Variants in CMYA5 observed in about 807,000 individuals in gnomAD.
CMYA5 encodes the protein cardiomyopathy associated 5, also known as cardiomyopathy-associated protein 5.
A neutral mutation model predicts 318.9 loss-of-function variants in CMYA5; 246 were observed. The observed-to-expected ratio is 0.77, with a 90% CI of 0.70 to 0.86. The LOEUF is 0.86. CMYA5 is among the 40% of genes least tolerant of loss of function. The pLI is 0.00. For synonymous variants in CMYA5, 1,641 were observed against 1,729.5 expected, an observed-to-expected ratio of 0.95 and a Z score of 1.27; for missense variants, 4,589 against 4,678.2, an observed-to-expected ratio of 0.98 and a Z score of 0.56.
intron 1 of CMYA5, among the ~76,000 whole-genome samples, chr5:79,704,019 A>C (rs1282658534): frequency 6.6e-6 from 1 of 152,072 alleles, no homozygotes; most frequent in African/African-American, 2.4e-5. Flanking sequence ...TTGAACCCAG[A>C]GGTCAAGGCT....
At chr5:79,763,818 G>A (rs1430881315) in intron 9 of CMYA5, among the ~76,000 whole-genome samples, 2 of 152,156 alleles carry the variant, frequency 1.3e-5, no homozygotes, top group Non-Finnish European at 2.9e-5. Context: ...CCGAGGTGGT[G>A]TTTTCTTAGC....
rs144400392 is a variant in CMYA5 at position 79,711,429 on chromosome 5, G to A, written c.150-17486G>A. ...CAGAGAGAAAAAGAATGTAAACTAC[G>A]TAGACAATTGCTTGGAAAGTTGAAG... On this transcript the variant is annotated intron_variant, in intron 1 of 12. Coordinates refer to ENST00000446378, the MANE Select transcript of CMYA5 (RefSeq NM_153610.5). Among the ~76,000 whole-genome samples, 32 of 152,314 alleles carry A rather than the reference G, an allele frequency of 2.1e-4. No individual in the cohort carries two copies. The East Asian group carries it at 4.6e-3, about 22-fold the overall frequency.
chr5:79,790,547 G>A (rs1004259644), intron 10 of CMYA5, among the ~76,000 whole-genome samples: 34 of 152,186 alleles, frequency 2.2e-4, no homozygotes, highest in African/African-American at 7.2e-4. Flanking sequence ...GGGATTACAG[G>A]CGTGAGCCAC....
intron 1 of CMYA5, among the ~76,000 whole-genome samples, chr5:79,710,770 C>CA (rs943925399): frequency 6.6e-6 from 1 of 152,090 alleles, no homozygotes; most frequent in Non-Finnish European, 1.5e-5. Context: ...AGGAATGGGG[C>CA]AAAATGTATT....
chr5:79,696,474 C>A (rs79742348), intron 1 of CMYA5, among the ~76,000 whole-genome samples: 1 of 152,158 alleles, frequency 6.6e-6, no homozygotes, highest in Non-Finnish European at 1.5e-5. Context: ...ATACTCAGAG[C>A]CCTCTCAGGG....
At position 79,736,513 on chromosome 5, in the gene CMYA5, CTCAA is replaced by C; in HGVS notation, c.7752_7755del (p.Gln2584HisfsTer4). The C allele has an allele frequency of 6.2e-7, 1 of 1,613,104 alleles. No homozygotes were observed. Among genetic ancestry groups the C allele is most frequent in the South Asian group, 1.1e-5 (1 of 90,972 alleles). On this transcript the variant is annotated frameshift_variant, in exon 2 of 13. Coordinates refer to ENST00000446378, the MANE Select transcript of CMYA5 (RefSeq NM_153610.5). LOFTEE classifies it high-confidence loss of function. ...TCTTTAGGTCATTCTTTGGGTGAAA[CTCAA>C]TCATTTTCATTAGTTAAAGCTACAT...
intron 1 of CMYA5, among the ~76,000 whole-genome samples, chr5:79,715,148 C>T (rs968448246): frequency 6.6e-6 from 1 of 152,046 alleles, no homozygotes; most frequent in Non-Finnish European, 1.5e-5. Flanking sequence ...TTGCCTAGAA[C>T]AGTGTGGTCC....
At position 79,713,309 on chromosome 5, in the gene CMYA5, C is replaced by A. The variant is rs1469054115; in HGVS notation, c.150-15606C>A. Among the ~76,000 whole-genome samples the A allele has an allele frequency of 3.7e-5, 5 of 133,894 alleles. No individual in the cohort carries two copies. In the East Asian group the frequency reaches 1.3e-3, roughly 36 times the overall value. The allele number at this position is 133,894 out of a possible 152,430, so 87.8% of individuals were successfully genotyped here. ...CCCGCTGCACCCCGCCCCCACCCCC[C>A]ACCCGCCGTCACAAAGAATTATCTT... On this transcript the variant is annotated intron_variant, in intron 1 of 12. Coordinates refer to ENST00000446378, the MANE Select transcript of CMYA5 (RefSeq NM_153610.5).
In CMYA5 at chr5:79,736,690, G is replaced by A; in HGVS notation, c.7925G>A (p.Cys2642Tyr). The change falls in exon 2 of 13, where the codon TGT (cysteine) becomes TAT (tyrosine). Residue 2642 changes from cysteine (C) to tyrosine (Y), a missense_variant. Cys to Tyr is a radical substitution (Grantham distance 194). Transcript: ENST00000446378. ...ACTTTCCTGCCGGTGGCTCTTTCTT[G>A]TCGTGATGAAATAGAGAACCACTCT... ...TKTFLPVALS[C>Y]RDEIENHSLS... The A allele has an allele frequency of 1.2e-6, 2 of 1,613,432 alleles. No homozygotes were observed. Among genetic ancestry groups the A allele is most frequent in the Non-Finnish European group, 1.7e-6 (2 of 1,179,750 alleles).
chr5:79,694,526 T>G (rs1033603509), intron 1 of CMYA5, among the ~76,000 whole-genome samples: 2 of 152,198 alleles, frequency 1.3e-5, no homozygotes, highest in African/African-American at 4.8e-5. Flanking sequence ...TTTCTCTATT[T>G]AAGCACAGAG....
At chr5:79,756,279 C>G (rs760728660) in intron 6 of CMYA5, among the ~76,000 whole-genome samples, 1 of 152,170 alleles carries the variant, frequency 6.6e-6, no homozygotes, top group Non-Finnish European at 1.5e-5. Flanking sequence ...GCAGTTCGCT[C>G]CTCAGGTCTT....
chr5:79,798,986 C>T (rs548172279), intron 12 of CMYA5, among the ~76,000 whole-genome samples: 6 of 152,254 alleles, frequency 3.9e-5, no homozygotes, highest in Non-Finnish European at 5.9e-5. Flanking sequence ...GGCAAGCTTA[C>T]GGTACTTTTA....
Position 79,799,607 on chromosome 5 carries a change from G to T in CMYA5, c.12201G>T (p.Arg4067Ser). The T allele has an allele frequency of 6.2e-7, 1 of 1,610,134 alleles. No individual in the cohort carries two copies. Among genetic ancestry groups the T allele is most frequent in the Non-Finnish European group, 8.5e-7 (1 of 1,177,330 alleles). Reference sequence around the variant, plus strand: ...GGATAGAGCCCCCGGATTCTGTAAGGCACAAGTGATCCTTGGCTTTCAGAA... The same window carrying T: ...GGATAGAGCCCCCGGATTCTGTAAGTCACAAGTGATCCTTGGCTTTCAGAA... The part of the protein sequence containing the change: ...HLGIEPPDSV[R>S]HK The change falls in exon 13 of 13, where the codon AGG becomes AGT. Residue 4067 changes from arginine to serine, a missense_variant. Arg to Ser is a moderately radical substitution (Grantham distance 110). Transcript: ENST00000446378.
intron 1 of CMYA5, among the ~76,000 whole-genome samples, chr5:79,703,396 A>C (rs1289084728): frequency 2.0e-5 from 3 of 152,224 alleles, no homozygotes; most frequent in Non-Finnish European, 4.4e-5. Flanking sequence ...TTACAATAAG[A>C]ACAAAAAAGT....
At position 79,791,131 on chromosome 5, in the gene CMYA5, C is replaced by T. The variant is rs1052989997; in HGVS notation, c.11789+62C>T. On this transcript the variant is annotated intron_variant, in intron 11 of 12. Transcript: ENST00000446378. ...CCAGCAGTAGGGTCTTAGGGTGTGT[C>T]GCCTCAGGGTGGCCTCCGCTGAGCA... 2.3e-5 allele frequency: 27 copies of T among 1,188,682 alleles called. 1 individual carries two copies. The highest frequency in any genetic ancestry group is 4.9e-4 in the Middle Eastern group (2 of 4,094). 73.6% of individuals were successfully genotyped at this position (1,188,682 alleles called of 1,614,324 possible). A position where few individuals can be genotyped will look rare whatever the true frequency, so the allele number is the denominator to read the frequency against.
chr5:79,791,181 G>T (rs760985558), intron 11 of CMYA5, 112 bp downstream of exon 11: 4 of 683,812 alleles, frequency 5.8e-6, no homozygotes, highest in Non-Finnish European at 1.0e-5. Flanking sequence ...TGAACATGTC[G>T]GGATGTGGTC....
Position 79,718,025 on chromosome 5 carries a change from A to G in CMYA5, c.150-10890A>G, listed in dbSNP as rs1827553041. Reference sequence around the variant, plus strand: ...TGCCTCAGCCTCCCAAGTAGCTAGGACTACAGGCACCCGCCACTACGCCCG... The same window carrying G: ...TGCCTCAGCCTCCCAAGTAGCTAGGGCTACAGGCACCCGCCACTACGCCCG... On this transcript the variant is annotated intron_variant, in intron 1 of 12. Transcript: ENST00000446378. 2.0e-5 allele frequency among the ~76,000 whole-genome samples: 2 copies of G among 102,090 alleles called. 1 individual carries two copies. Among genetic ancestry groups the G allele is most frequent in the African/African-American group, 1.0e-4 (2 of 19,650 alleles). 67.0% of individuals were successfully genotyped at this position (102,090 alleles called of 152,430 possible).
intron 12 of CMYA5, among the ~76,000 whole-genome samples, chr5:79,794,408 A>G (rs1829238407): frequency 6.6e-6 from 1 of 152,224 alleles, no homozygotes; most frequent in Admixed American, 6.5e-5. Context: ...CAGAGCGATC[A>G]GGCAGGTATA....
chr5:79,730,846 C>T lies in CMYA5; in HGVS notation c.2081C>T (p.Ser694Phe), dbSNP rs769754741. The change falls in exon 2 of 13, where the codon TCC (serine) becomes TTC (phenylalanine). Residue 694 changes from serine (S) to phenylalanine (F), a missense_variant. Physicochemically the swap from Ser to Phe is radical, Grantham distance 155 (BLOSUM62 -2). Coordinates refer to ENST00000446378, the MANE Select transcript of CMYA5 (RefSeq NM_153610.5). ...ASESGCYTPD[S>F]TSASEYSVPS... The stretch of plus-strand genomic sequence containing the variant: ...GAAAGTGGGTGTTACACACCAGACT[C>T]CACATCTGCTTCTGAATATTCAGTT... 4.3e-6 allele frequency: 7 copies of T among 1,613,948 alleles called. 1 individual carries two copies. The highest frequency in any genetic ancestry group is 2.2e-5 in the South Asian group (2 of 91,072).
Sources: gnomAD v4.1 joint callset for allele counts (sites outside exome capture counted in the v4.1 genomes callset) on GRCh38, gnomAD v4.1.1 for gene constraint, MANE v1.5 for transcripts, NCBI Gene and HGNC (gene_info 2026-07-23, HGNC 2026-07-21) for gene names.